Variants in RBM19 observed in about 807,000 individuals in gnomAD.
RBM19 encodes probable RNA-binding protein 19.
A neutral mutation model predicts 116.8 loss-of-function variants in RBM19; 94 were observed. That is an observed-to-expected ratio of 0.80 (90% CI 0.68 to 0.95). The LOEUF is 0.95. RBM19 is among the 40% of genes least tolerant of loss of function. RBM19 has a pLI of 0.00. For synonymous variants in RBM19, 475 were observed against 494.1 expected, an observed-to-expected ratio of 0.96 and a Z score of 0.51; for missense variants, 1,161 against 1,220.7, an observed-to-expected ratio of 0.95 and a Z score of 0.73.
At chr12:113,867,566 T>G (rs10850230) in intron 21 of RBM19, among the ~76,000 whole-genome samples, 17,559 of 152,252 alleles carry the variant, frequency 0.12, 1,201 homozygotes, top group Non-Finnish European at 0.16. Context: ...AGTTTAAAAC[T>G]GATAAATAAT....
intron 22 of RBM19, among the ~76,000 whole-genome samples, chr12:113,853,020 A>G (rs775482062): frequency 6.6e-6 from 1 of 152,222 alleles, no homozygotes; most frequent in Non-Finnish European, 1.5e-5. Flanking sequence ...CGGCTCGCTC[A>G]TCATTGGTCC....
intron 21 of RBM19, among the ~76,000 whole-genome samples, chr12:113,875,153 C>T (rs188806341): frequency 1.3e-5 from 2 of 152,336 alleles, no homozygotes; most frequent in Non-Finnish European, 2.9e-5. Context: ...GGACAGGGAG[C>T]ACGGGAGCGA....
intron 22 of RBM19, among the ~76,000 whole-genome samples, chr12:113,858,375 C>T (rs565925835): frequency 2.6e-5 from 4 of 152,210 alleles, no homozygotes; most frequent in Non-Finnish European, 5.9e-5. Flanking sequence ...GACGCATTCC[C>T]GTGGCTGCTT....
chr12:113,937,892 C>A (rs1031062256), intron 15 of RBM19, among the ~76,000 whole-genome samples: 10 of 152,094 alleles, frequency 6.6e-5, no homozygotes, highest in African/African-American at 2.4e-4. Context: ...AACAAATGCC[C>A]TTTTTGAATC....
chr12:113,835,029 C>T (rs1875751947), intron 23 of RBM19, among the ~76,000 whole-genome samples: 1 of 152,128 alleles, frequency 6.6e-6, no homozygotes, highest in Non-Finnish European at 1.5e-5. Context: ...CCTTTTCAGA[C>T]CAGCGGTGCT....
rs1874452301 is a variant in RBM19 at position 113,822,061 on chromosome 12, G to A, written c.*1163C>T. 1 of 152,242 alleles carries A rather than the reference G, an allele frequency of 6.6e-6. No individual in the cohort carries two copies. Among genetic ancestry groups the A allele is most frequent in the South Asian group, 2.1e-4 (1 of 4,828 alleles). The allele number at this position is 152,242 out of a possible 1,614,324, so 9.4% of individuals were successfully genotyped here. ...TGAAGAAGAAAACAAAAGTGCTGAT[G>A]AGAATCTTCTCTGGGCTTTACTTGG... On this transcript the variant is annotated 3_prime_UTR_variant, in exon 24 of 24. Coordinates refer to ENST00000261741, the MANE Select transcript of RBM19 (RefSeq NM_016196.4).
At chr12:113,901,066 A>G (rs1405769240) in intron 21 of RBM19, among the ~76,000 whole-genome samples, 1 of 152,148 alleles carries the variant, frequency 6.6e-6, no homozygotes, top group African/African-American at 2.4e-5. Flanking sequence ...GTCTAGAAAG[A>G]TCCCCAAACA....
At chr12:113,936,029 CAA>C (rs1420643228) in intron 16 of RBM19, among the ~76,000 whole-genome samples, 23,867 of 149,990 alleles carry the variant, frequency 0.16, 2,470 homozygotes, top group African/African-American at 0.3. Flanking sequence ...GGCTCTGTCT[CAA>C]AAAAACAAAA....
rs1871830872 is a variant in RBM19, at chr12:113,955,288, T to C, written c.841-77A>G. The C allele has an allele frequency of 2.1e-6, 3 of 1,403,160 alleles. No homozygotes were observed. In the Admixed American group the frequency reaches 5.0e-5, roughly 24 times the overall value. The allele number at this position is 1,403,160 out of a possible 1,614,324, so 86.9% of individuals were successfully genotyped here. On this transcript the variant is annotated intron_variant, in intron 6 of 23. Coordinates refer to ENST00000261741, the MANE Select transcript of RBM19 (RefSeq NM_016196.4). Reference sequence around the variant, plus strand: ...CTGCAGGAGGTGGCACACTGGGACATTTCAGTGCCAGAGAAGGTGCCTGCC... The same window carrying C: ...CTGCAGGAGGTGGCACACTGGGACACTTCAGTGCCAGAGAAGGTGCCTGCC...
chr12:113,921,879 T>C (rs554205204), intron 18 of RBM19, among the ~76,000 whole-genome samples: 3 of 152,274 alleles, frequency 2.0e-5, no homozygotes, highest in African/African-American at 7.2e-5. Flanking sequence ...TCCGCCACCA[T>C]CCTCTATGGG....
intron 21 of RBM19, among the ~76,000 whole-genome samples, chr12:113,878,736 G>A (rs1340539747): frequency 1.3e-5 from 2 of 151,176 alleles, no homozygotes; most frequent in South Asian, 2.1e-4. Flanking sequence ...TCACCTATGC[G>A]GAGGCCCATT....
intron 23 of RBM19, 39 bp downstream of exon 23, chr12:113,844,629 G>T: frequency 6.3e-7 from 1 of 1,580,394 alleles, no homozygotes; most frequent in Non-Finnish European, 8.6e-7. Flanking sequence ...GTTCCCCAGG[G>T]GGCCCATGAG....
At chr12:113,875,764 T>A (rs1164599896) in intron 21 of RBM19, among the ~76,000 whole-genome samples, 1 of 152,196 alleles carries the variant, frequency 6.6e-6, no homozygotes. Flanking sequence ...TTAAAGAGCG[T>A]CATTTGCAAA....
At chr12:113,965,606 A>G (rs1199273894) in intron 1 of RBM19, among the ~76,000 whole-genome samples, 1 of 152,224 alleles carries the variant, frequency 6.6e-6, no homozygotes, top group Non-Finnish European at 1.5e-5. Flanking sequence ...ATCTAATATT[A>G]CGTACATTCA....
intron 17 of RBM19, among the ~76,000 whole-genome samples, chr12:113,925,882 T>C (rs1336943996): frequency 6.6e-6 from 1 of 152,186 alleles, no homozygotes; most frequent in Non-Finnish European, 1.5e-5. Context: ...TTCAAATCTA[T>C]CTGACATATT....
intron 21 of RBM19, among the ~76,000 whole-genome samples, chr12:113,889,646 A>T (rs1353972189): frequency 1.4e-5 from 2 of 143,534 alleles, no homozygotes; most frequent in African/African-American, 5.4e-5. Context: ...TGTTTTTCAT[A>T]CTAAAAAAAC....
intron 22 of RBM19, among the ~76,000 whole-genome samples, chr12:113,847,576 C>T (rs1009274816): frequency 6.6e-6 from 1 of 151,986 alleles, no homozygotes; most frequent in African/African-American, 2.4e-5. Context: ...GATGTTCCAT[C>T]CTCGTGCCAG....
chr12:113,961,173 T>C (rs1872465524), intron 2 of RBM19, among the ~76,000 whole-genome samples: 1 of 152,194 alleles, frequency 6.6e-6, no homozygotes, highest in Admixed American at 6.5e-5. Flanking sequence ...CAGGCACATG[T>C]CACCATGCCC....
At chr12:113,862,443 G>T (rs892030130) in intron 21 of RBM19, among the ~76,000 whole-genome samples, 3 of 151,506 alleles carry the variant, frequency 2.0e-5, no homozygotes, top group African/African-American at 4.8e-5. Context: ...TATCGAAAGA[G>T]AATTAAAAAG....
Sources: allele counts gnomAD v4.1 joint callset (sites outside exome capture counted in the v4.1 genomes callset), GRCh38; gene constraint gnomAD v4.1.1; transcripts MANE v1.5; gene names NCBI Gene and HGNC (gene_info 2026-07-23, HGNC 2026-07-21).